METTL15: variants seen among roughly 807,000 people sequenced by gnomAD.
The protein encoded by METTL15 is methyltransferase 15, mitochondrial 12S rRNA N4-cytidine, also known as 12S rRNA N(4)-cytidine methyltransferase METTL15.
METTL15 carries 34 observed loss-of-function variants against 38.3 expected under a neutral mutation model. The observed-to-expected ratio is 0.89, with a 90% CI of 0.68 to 1.18. The LOEUF is 1.18. Ranked by LOEUF, METTL15 falls within the 50% of genes most tolerant of loss-of-function variation. The pLI is 0.00. For missense variants in METTL15, 438 were observed against 498.4 expected (o/e 0.88, Z 1.15); for synonymous variants, 162 against 170.9 (o/e 0.95, Z 0.41).
intron 6 of METTL15, among the ~76,000 whole-genome samples, chr11:28,316,268 A>G (rs977702663): frequency 6.6e-6 from 1 of 152,202 alleles, no homozygotes; most frequent in Non-Finnish European, 1.5e-5. Context: ...TGTGACCTGG[A>G]TGTGAGACGT....
At chr11:28,114,235 T>C (rs1467604449) in intron 3 of METTL15, among the ~76,000 whole-genome samples, 2 of 152,196 alleles carry the variant, frequency 1.3e-5, no homozygotes, top group African/African-American at 4.8e-5. Context: ...TTCATAGATA[T>C]GTGGCATTTT....
At chr11:28,342,981 G>T (rs1409917053) in intron 3 of METTL15, among the ~76,000 whole-genome samples, 2 of 152,124 alleles carry the variant, frequency 1.3e-5, no homozygotes, top group African/African-American at 2.4e-5. Context: ...ACACAGTGCT[G>T]ATTGGTAAGA....
intron 5 of METTL15, among the ~76,000 whole-genome samples, chr11:28,379,206 A>G (rs1421172461): frequency 6.6e-6 from 1 of 151,724 alleles, no homozygotes; most frequent in African/African-American, 2.4e-5. Flanking sequence ...AGTCTAAATT[A>G]TGTTTAATTC....
chr11:28,423,865 T>C lies in METTL15; in HGVS notation c.*359-434T>C, dbSNP rs147677338. Reference sequence around the variant, plus strand: ...TATAACTAAAAGTATAATTGAATTGTTTGTAACACAAAAGATAAATGTGTG... The same window carrying C: ...TATAACTAAAAGTATAATTGAATTGCTTGTAACACAAAAGATAAATGTGTG... On this transcript the variant is annotated intron_variant and NMD_transcript_variant, in intron 5 of 7. Transcript: ENST00000532947. Among the ~76,000 whole-genome samples the C allele has an allele frequency of 3.2e-3, 486 of 152,240 alleles. 8 individuals are homozygous for C. The East Asian group carries it at 0.06, about 19-fold the overall frequency.
chr11:28,469,587 T>C (rs367593196), intron 6 of METTL15, among the ~76,000 whole-genome samples: 3 of 152,200 alleles, frequency 2.0e-5, no homozygotes, highest in East Asian at 3.8e-4. Context: ...TTAACCTTTA[T>C]GTGCTTCAGA....
At chr11:28,528,701 A>G (rs183313620), downstream of METTL15, among the ~76,000 whole-genome samples, 12 of 152,330 alleles carry the variant, frequency 7.9e-5, no homozygotes, top group Admixed American at 3.3e-4. Context: ...AATGGACAAA[A>G]ACCTTATTTT....
chr11:28,244,892 C>A (rs1159726720), intron 4 of METTL15, among the ~76,000 whole-genome samples: 1 of 152,178 alleles, frequency 6.6e-6, no homozygotes, highest in Non-Finnish European at 1.5e-5. Context: ...CCTGTCTTTT[C>A]TCTTTTTCCT....
rs144791882 is a variant in METTL15 at position 28,388,729 on chromosome 11, G to A, written c.*358+26693G>A. ...AACTTTTAGGGGACATATGCACAACGTGCAGGTTTGTTACATATGTATACA... is the reference window on the plus strand; with the variant it reads ...AACTTTTAGGGGACATATGCACAACATGCAGGTTTGTTACATATGTATACA... On this transcript the variant is annotated intron_variant and NMD_transcript_variant, in intron 5 of 7. Coordinates refer to the METTL15 transcript ENST00000532947. Among the ~76,000 whole-genome samples, 438 of 151,968 alleles carry A rather than the reference G, an allele frequency of 2.9e-3. 5 individuals carry two copies. The highest frequency in any genetic ancestry group is 0.02 in the Admixed American group (311 of 15,246).
At chr11:28,368,066 C>A (rs7121644) in intron 5 of METTL15, among the ~76,000 whole-genome samples, 147,835 of 149,030 alleles carry the variant, frequency 0.99, 73,336 homozygotes, top group Middle Eastern at 1. Flanking sequence ...CACCAAAAGC[C>A]ATGGCAACAA....
chr11:28,310,972 GT>G (rs1857277628), intron 6 of METTL15, among the ~76,000 whole-genome samples: 17 of 141,238 alleles, frequency 1.2e-4, no homozygotes, highest in African/African-American at 4.3e-4. Context: ...GTGGGTGTGT[GT>G]GTGTGTGTGT....
chr11:28,331,848 A>C lies in METTL15; in HGVS notation c.*1007A>C, dbSNP rs1385575876. The C allele has an allele frequency of 6.6e-6, 1 of 152,160 alleles. No individual in the cohort carries two copies. Among genetic ancestry groups the C allele is most frequent in the Non-Finnish European group, 1.5e-5 (1 of 68,006 alleles). 9.4% of individuals were successfully genotyped at this position (152,160 alleles called of 1,614,324 possible). A position where few individuals can be genotyped will look rare whatever the true frequency, so the allele number is the denominator to read the frequency against. Reference sequence around the variant, plus strand: ...TTATTTATACTTAAATTGTGACCTGAAAGATGAGTTGGAGATAATTAGTCA... The same window carrying C: ...TTATTTATACTTAAATTGTGACCTGCAAGATGAGTTGGAGATAATTAGTCA... On this transcript the variant is annotated 3_prime_UTR_variant, in exon 7 of 7. Coordinates refer to ENST00000407364, the MANE Select transcript of METTL15 (RefSeq NM_001113528.2).
intron 6 of METTL15, among the ~76,000 whole-genome samples, chr11:28,468,244 G>A (rs190582372): frequency 7.9e-5 from 12 of 152,200 alleles, no homozygotes; most frequent in African/African-American, 2.9e-4. Context: ...TAAACTACAT[G>A]TTTTATTAGG....
At chr11:28,391,856 A>G (rs1024052721) in intron 5 of METTL15, among the ~76,000 whole-genome samples, 1 of 152,222 alleles carries the variant, frequency 6.6e-6, no homozygotes, top group Non-Finnish European at 1.5e-5. Context: ...TGAAACCATA[A>G]AAACCCTAGA....
At chr11:28,110,423 C>G (rs1000711443) in intron 2 of METTL15, 22 bp downstream of exon 2, 1 of 152,198 alleles carries the variant, frequency 6.6e-6, no homozygotes, top group African/African-American at 2.4e-5. Context: ...GGGACCGAGT[C>G]CCGGGAACTC....
At chr11:28,419,561 A>C (rs978176576) in intron 5 of METTL15, among the ~76,000 whole-genome samples, 35 of 152,186 alleles carry the variant, frequency 2.3e-4, no homozygotes, top group Non-Finnish European at 3.7e-4. Flanking sequence ...ACAAGTCCAG[A>C]CTGTGAAGAC....
chr11:28,194,176 T>C (rs10835284), intron 3 of METTL15, among the ~76,000 whole-genome samples: 6 of 5,358 alleles, frequency 1.1e-3, no homozygotes, highest in East Asian at 0.025. Flanking sequence ...TTCTTTCTTT[T>C]TCTCTCTCTC....
intron 5 of METTL15, among the ~76,000 whole-genome samples, chr11:28,414,023 G>A (rs377476384): frequency 2.0e-5 from 3 of 152,064 alleles, no homozygotes; most frequent in Non-Finnish European, 4.4e-5. Flanking sequence ...CAAGAAAGTG[G>A]AAATGACTTT....
chr11:28,163,529 A>ATCTCTCTCTCTC (rs756098921), intron 3 of METTL15: 8 of 259,656 alleles, frequency 3.1e-5, no homozygotes, highest in African/African-American at 1.6e-4. Flanking sequence ...CTTCTTACTG[A>ATCTCTCTCTCTC]TCTCTCTCTC....
intron 3 of METTL15, among the ~76,000 whole-genome samples, chr11:28,200,534 G>T (rs113761039): frequency 2.1e-4 from 32 of 152,182 alleles, no homozygotes; most frequent in African/African-American, 7.5e-4. Context: ...GGTGCTTTAC[G>T]CTAGTGGAAG....
Sources: gnomAD v4.1 joint callset for allele counts (sites outside exome capture counted in the v4.1 genomes callset) on GRCh38, gnomAD v4.1.1 for gene constraint, MANE v1.5 for transcripts, NCBI Gene and HGNC (gene_info 2026-07-23, HGNC 2026-07-21) for gene names.